The following DIP2C variants were observed in gnomAD, a reference collection of about 807,000 sequenced individuals.
DIP2C encodes the protein DIP2 acetate--CoA ligase C (putative).
DIP2C carries 33 observed loss-of-function variants against 192.4 expected under a neutral mutation model. The observed-to-expected ratio is 0.17, with a 90% CI of 0.13 to 0.23. The LOEUF (loss-of-function observed/expected upper bound fraction) is 0.23. DIP2C is among the 10% of genes least tolerant of loss of function. The pLI, the probability that DIP2C is intolerant of heterozygous loss-of-function variation, is 1.00. For missense variants in DIP2C, 1,537 were observed against 2,110.1 expected (o/e 0.73, Z 5.32); for synonymous variants, 979 against 864.1 (o/e 1.13, Z -2.33).
At chr10:419,724 G>C (rs1271809348) in intron 5 of DIP2C, among the ~76,000 whole-genome samples, 3 of 152,130 alleles carry the variant, frequency 2.0e-5, no homozygotes, top group African/African-American at 4.8e-5. Context: ...ACAGTTCATA[G>C]GATCTTCTTC....
At chr10:398,952 G>C (rs113828581) in intron 10 of DIP2C, among the ~76,000 whole-genome samples, 157 bp downstream of exon 10, 6 of 152,202 alleles carry the variant, frequency 3.9e-5, no homozygotes, top group African/African-American at 1.4e-4. Flanking sequence ...GCCCATCCCA[G>C]GCTGCAGGGC....
intron 1 of DIP2C, among the ~76,000 whole-genome samples, chr10:640,958 C>T (rs1270789018): frequency 6.6e-6 from 1 of 152,060 alleles, no homozygotes; most frequent in Admixed American, 6.5e-5. Context: ...CACACGCACA[C>T]GCTGTGGACA....
chr10:404,498 C>T (rs1032669629), intron 9 of DIP2C, among the ~76,000 whole-genome samples: 6 of 152,138 alleles, frequency 3.9e-5, no homozygotes, highest in African/African-American at 1.4e-4. Flanking sequence ...CATGAGTCAC[C>T]GCACCAGGCC....
intron 3 of DIP2C, among the ~76,000 whole-genome samples, chr10:461,388 G>C (rs1238946620): frequency 2.0e-5 from 3 of 152,034 alleles, no homozygotes; most frequent in African/African-American, 7.2e-5. Flanking sequence ...TTGCAATCCT[G>C]GTCTCTGATA....
chr10:278,727 C>T (rs997335768), intron 36 of DIP2C, among the ~76,000 whole-genome samples: 2 of 152,196 alleles, frequency 1.3e-5, no homozygotes, highest in African/African-American at 2.4e-5. Flanking sequence ...AGGACAGGCA[C>T]CAGAGGATTA....
intron 1 of DIP2C, among the ~76,000 whole-genome samples, chr10:626,560 T>C (rs935344407): frequency 6.6e-6 from 1 of 151,746 alleles, no homozygotes; most frequent in African/African-American, 2.4e-5. Flanking sequence ...CCTCCCTCAT[T>C]TTCCTGTTCA....
chr10:461,631 G>A (rs1429000040), intron 3 of DIP2C, among the ~76,000 whole-genome samples: 1 of 152,146 alleles, frequency 6.6e-6, no homozygotes, highest in Non-Finnish European at 1.5e-5. Context: ...GATTGAGACA[G>A]AAAATTAACA....
At chr10:483,416 C>T (rs976778143) in intron 2 of DIP2C, among the ~76,000 whole-genome samples, 2 of 152,232 alleles carry the variant, frequency 1.3e-5, no homozygotes, top group African/African-American at 4.8e-5. Flanking sequence ...AGGACAGCTG[C>T]ACATGGTGCA....
intron 22 of DIP2C, among the ~76,000 whole-genome samples, chr10:359,970 A>AC (rs1262637335): frequency 2.0e-5 from 3 of 152,136 alleles, no homozygotes; most frequent in African/African-American, 7.2e-5. Context: ...GCAAGACGAG[A>AC]CGGCTCTTCT....
At chr10:378,616 TAA>T (rs1289304554) in intron 17 of DIP2C, among the ~76,000 whole-genome samples, 5 of 150,154 alleles carry the variant, frequency 3.3e-5, no homozygotes, top group African/African-American at 4.9e-5. Flanking sequence ...CAGACATGCA[TAA>T]AGACACACGA....
At chr10:440,374 T>G (rs1360303542) in intron 4 of DIP2C, among the ~76,000 whole-genome samples, 1 of 152,224 alleles carries the variant, frequency 6.6e-6, no homozygotes, top group Non-Finnish European at 1.5e-5. Flanking sequence ...GTGACAGACC[T>G]TATGGCCTGC....
intron 1 of DIP2C, among the ~76,000 whole-genome samples, chr10:648,195 C>T (rs1207785052): frequency 6.6e-6 from 1 of 150,814 alleles, no homozygotes; most frequent in Non-Finnish European, 1.5e-5. Flanking sequence ...ACTGAGTCCA[C>T]GTCCACATTG....
In DIP2C at chr10:324,624, C is replaced by T. The variant is rs113410700; in HGVS notation, c.3924+2382G>A. The stretch of plus-strand genomic sequence containing the variant: ...AGATGCTGCCAAGATTGCAAAATAA[C>T]GCCATGACCCATGATTAGAATACTG... On this transcript the variant is annotated intron_variant, in intron 31 of 36. Coordinates refer to ENST00000280886, the MANE Select transcript of DIP2C (RefSeq NM_014974.3). 1.4e-3 allele frequency: 266 copies of T among 192,654 alleles called. 1 individual carries two copies. Among genetic ancestry groups the T allele is most frequent in the East Asian group, 0.014 (91 of 6,624 alleles). The allele number at this position is 192,654 out of a possible 1,614,324, so 11.9% of individuals were successfully genotyped here. A position where few individuals can be genotyped will look rare whatever the true frequency, so the allele number is the denominator to read the frequency against.
At chr10:375,873 AT>A (rs60775419) in intron 17 of DIP2C, among the ~76,000 whole-genome samples, 152,090 of 152,182 alleles carry the variant, frequency 1, 75,999 homozygotes, top group Middle Eastern at 1. Context: ...AAGGTCTTTC[AT>A]TTTTTTTATC....
chr10:433,522 G>GAA (rs1017434601), intron 4 of DIP2C, among the ~76,000 whole-genome samples: 2 of 148,536 alleles, frequency 1.3e-5, no homozygotes, highest in African/African-American at 4.9e-5. Context: ...ACAAAAATAG[G>GAA]AAAAAAAAAA....
chr10:469,299 A>T (rs1474212729), intron 3 of DIP2C, among the ~76,000 whole-genome samples: 2 of 149,336 alleles, frequency 1.3e-5, no homozygotes, highest in Non-Finnish European at 3.0e-5. Context: ...GCATTTCTCA[A>T]ATCTCACTGG....
At chr10:453,892 G>A (rs1197656372) in intron 3 of DIP2C, among the ~76,000 whole-genome samples, 3 of 152,214 alleles carry the variant, frequency 2.0e-5, no homozygotes, top group Non-Finnish European at 2.9e-5. Flanking sequence ...ATGCAACACA[G>A]AGGCCAGAGA....
At position 664,591 on chromosome 10, in the gene DIP2C, G is replaced by A. The variant is rs372096472; in HGVS notation, c.85+24903C>T. The A allele has an allele frequency of 1.2e-4, 19 of 152,256 alleles. No individual in the cohort carries two copies. The East Asian group carries it at 1.5e-3, about 12-fold the overall frequency. The allele number at this position is 152,256 out of a possible 1,614,324, so 9.4% of individuals were successfully genotyped here. ...CACTATTGATCATTGTTATATGTCC[G>A]GGTTAATCAACATTACAATGCTACA... On this transcript the variant is annotated intron_variant, in intron 1 of 36. Transcript: ENST00000280886.
At chr10:490,153 C>G (rs1326119997) in intron 1 of DIP2C, among the ~76,000 whole-genome samples, 7 of 136,588 alleles carry the variant, frequency 5.1e-5, no homozygotes, top group Non-Finnish European at 9.5e-5. Flanking sequence ...GTGGCTCTGA[C>G]AGTGCCCGAG....
Sources: allele counts gnomAD v4.1 joint callset (sites outside exome capture counted in the v4.1 genomes callset), GRCh38; gene constraint gnomAD v4.1.1; transcripts MANE v1.5; gene names NCBI Gene and HGNC (gene_info 2026-07-23, HGNC 2026-07-21).